Variants in ANKRD55 observed in about 807,000 individuals in gnomAD.
ANKRD55 encodes ankyrin repeat domain 55.
A neutral mutation model predicts 60.6 loss-of-function variants in ANKRD55; 41 were observed. The observed-to-expected ratio is 0.68, with a 90% CI of 0.53 to 0.88. The LOEUF (loss-of-function observed/expected upper bound fraction) is 0.88. Ranked by LOEUF, ANKRD55 falls within the 40% of genes least tolerant of loss-of-function variation. ANKRD55 has a pLI of 0.00. For missense variants in ANKRD55, 732 were observed against 767.6 expected (o/e 0.95, Z 0.55); for synonymous variants, 264 against 290.3 (o/e 0.91, Z 0.92).
chr5:56,227,816 G>A (rs1760157502), intron 2 of ANKRD55, among the ~76,000 whole-genome samples: 1 of 152,190 alleles, frequency 6.6e-6, no homozygotes, highest in African/African-American at 2.4e-5. Context: ...CTGATATGAG[G>A]ATTATATGAG....
At chr5:56,103,571 T>A (rs1756356807) in intron 10 of ANKRD55, among the ~76,000 whole-genome samples, 1 of 152,042 alleles carries the variant, frequency 6.6e-6, no homozygotes, top group African/African-American at 2.4e-5. Context: ...TTATATGACA[T>A]TGGGCAAATG....
At position 56,127,096 on chromosome 5, in the gene ANKRD55, C is replaced by T. The variant is rs61742899; in HGVS notation, c.623G>A (p.Arg208Lys). The change falls in exon 8 of 12, where the codon AGG becomes AAG. Residue 208 changes from arginine (R) to lysine (K), a missense_variant. Physicochemically the swap from Arg to Lys is conservative, Grantham distance 26. This residue lies in a region of ANKRD55 where 597 missense variants were observed against 607.5 expected (regional missense o/e 0.98). Coordinates refer to ENST00000341048, the MANE Select transcript of ANKRD55 (RefSeq NM_024669.3). ...GCTCAGAATGATGGAGCACAGAATC[C>T]TATTTCCACTCTGGAAAAGAGAGTC... is the stretch of plus-strand genomic sequence containing the variant. Reference protein sequence around the residue: ...ALHWAVQSGNRILCSIILSHH... With the variant: ...ALHWAVQSGNKILCSIILSHH... The T allele has an allele frequency of 2.4e-5, 39 of 1,607,418 alleles. No individual in the cohort carries two copies. In the African/African-American group the frequency reaches 5.0e-4, roughly 20 times the overall value.
chr5:56,190,951 T>C (rs187479523), intron 2 of ANKRD55, among the ~76,000 whole-genome samples: 1 of 152,316 alleles, frequency 6.6e-6, no homozygotes, highest in East Asian at 1.9e-4. Context: ...GTGGGAACAT[T>C]CAAGTCATAG....
At chr5:56,146,027 T>C (rs572908728) in intron 6 of ANKRD55, among the ~76,000 whole-genome samples, 339 of 152,288 alleles carry the variant, frequency 2.2e-3, no homozygotes, top group Non-Finnish European at 3.2e-3. Flanking sequence ...AAAATTAAAT[T>C]ATATTTTAAA....
intron 5 of ANKRD55, among the ~76,000 whole-genome samples, chr5:56,166,643 C>T (rs146357440): frequency 1.7e-4 from 26 of 151,372 alleles, no homozygotes; most frequent in Non-Finnish European, 7.4e-5. Context: ...AGAGAAAACA[C>T]GGGCAGGAAA....
intron 2 of ANKRD55, among the ~76,000 whole-genome samples, chr5:56,206,482 C>A (rs1759512164): frequency 6.6e-6 from 1 of 152,182 alleles, no homozygotes; most frequent in Non-Finnish European, 1.5e-5. Flanking sequence ...ATACACTTGA[C>A]TTATGCTGCA....
In ANKRD55 at chr5:56,136,857, G is replaced by A. The variant is rs989148462; in HGVS notation, c.612+6944C>T. The A allele has an allele frequency of 1.6e-4, 56 of 360,024 alleles. 1 individual carries two copies. Among genetic ancestry groups the A allele is most frequent in the South Asian group, 4.9e-4 (22 of 45,162 alleles). 22.3% of individuals were successfully genotyped at this position (360,024 alleles called of 1,614,324 possible). A position where few individuals can be genotyped will look rare whatever the true frequency, so the allele number is the denominator to read the frequency against. ...GATCACTTGAGACCAGGAGGTCCAG[G>A]CTGCAGTGAGCCATGATTATGTCAC... On this transcript the variant is annotated intron_variant, in intron 7 of 11. Transcript: ENST00000341048.
chr5:56,182,233 C>CT (rs1047654653), intron 3 of ANKRD55, among the ~76,000 whole-genome samples: 7 of 145,178 alleles, frequency 4.8e-5, no homozygotes, highest in African/African-American at 1.7e-4. Flanking sequence ...ATATCTTTTT[C>CT]GGGGGGGATT....
chr5:56,153,629 G>T lies in ANKRD55; in HGVS notation c.483+6204C>A, dbSNP rs376851796. 2.9e-3 allele frequency among the ~76,000 whole-genome samples: 435 copies of T among 152,154 alleles called. 6 individuals are homozygous for T. The highest frequency in any genetic ancestry group is 9.7e-3 in the African/African-American group (402 of 41,504). On this transcript the variant is annotated intron_variant, in intron 6 of 11. Transcript: ENST00000341048. ...CCGAGGCAGGTGGATCACGAGGTCA[G>T]GAGTTCGAGACCAGCCTGGCCAACA...
At chr5:56,203,277 G>T (rs1256696583) in intron 2 of ANKRD55, among the ~76,000 whole-genome samples, 6 of 152,070 alleles carry the variant, frequency 3.9e-5, no homozygotes, top group Non-Finnish European at 8.8e-5. Context: ...CATAGGGGTG[G>T]TTCCCCCATG....
intron 2 of ANKRD55, among the ~76,000 whole-genome samples, chr5:56,203,214 C>T (rs1237827053): frequency 1.3e-5 from 2 of 151,998 alleles, no homozygotes; most frequent in Admixed American, 6.6e-5. Flanking sequence ...AATTGTAATC[C>T]GAATTGTAAT....
intron 2 of ANKRD55, among the ~76,000 whole-genome samples, chr5:56,202,900 G>A (rs1759412952): frequency 6.6e-6 from 1 of 152,130 alleles, no homozygotes; most frequent in Admixed American, 6.5e-5. Flanking sequence ...TCTGTTTTAA[G>A]GAGTGTTTCT....
rs144241474 is a variant in ANKRD55, at chr5:56,218,348, A to C, written c.58+14508T>G. The stretch of plus-strand genomic sequence containing the variant: ...TTACATACAGATACATCTTTTATGA[A>C]AGAAGGAGTCAATTGATGCAGCAAA... On this transcript the variant is annotated intron_variant, in intron 2 of 11. Transcript: ENST00000341048. 9.3e-4 allele frequency among the ~76,000 whole-genome samples: 142 copies of C among 152,336 alleles called. 3 individuals are homozygous for C. In the Middle Eastern group the frequency reaches 0.027, roughly 29 times the overall value.
chr5:56,231,653 G>GCGCACACACACA (rs1267820315), intron 2 of ANKRD55, among the ~76,000 whole-genome samples: 2 of 148,088 alleles, frequency 1.4e-5, no homozygotes, highest in African/African-American at 5.0e-5. Flanking sequence ...CTGAAGGCGC[G>GCGCACACACACA]CACACACACA....
intron 7 of ANKRD55, chr5:56,127,601 A>G (rs963872687): frequency 2.4e-5 from 24 of 984,570 alleles, no homozygotes; most frequent in East Asian, 1.1e-4. Context: ...GGGTAGGGCC[A>G]AGGAGCAGGG....
intron 5 of ANKRD55, among the ~76,000 whole-genome samples, chr5:56,168,817 C>T (rs186410678): frequency 4.6e-4 from 70 of 152,318 alleles, no homozygotes; most frequent in African/African-American, 1.6e-3. Context: ...TGGCAGGGAG[C>T]CACCTACCAC....
chr5:56,160,089 G>A (rs1041937443), intron 5 of ANKRD55, among the ~76,000 whole-genome samples, 196 bp from the exon 6 acceptor site: 1 of 152,146 alleles, frequency 6.6e-6, no homozygotes, highest in African/African-American at 2.4e-5. Context: ...ACACCTGTGT[G>A]GAGGGCTACT....
In ANKRD55 at chr5:56,143,856, G is replaced by T. The variant is rs1561268164; in HGVS notation, c.557C>A (p.Ala186Glu). Residue 186 changes from alanine (A) to glutamate (E), a missense_variant, in exon 7 of 12, where the codon GCA becomes GAA. Coordinates refer to ENST00000341048, the MANE Select transcript of ANKRD55 (RefSeq NM_024669.3). ...GTCTTTATCCACAAGGGTGGGGTCT[G>T]CCCCCTTCTTCAGCAGCATTTGTGT... is the stretch of plus-strand genomic sequence containing the variant. ...QHTQMLLKKG[A>E]DPTLVDKDFK... The T allele has an allele frequency of 3.1e-6, 5 of 1,614,156 alleles. No individual in the cohort carries two copies. Among genetic ancestry groups the T allele is most frequent in the Non-Finnish European group, 4.2e-6 (5 of 1,180,028 alleles).
At chr5:56,217,091 C>T (rs1759831634) in intron 2 of ANKRD55, among the ~76,000 whole-genome samples, 1 of 152,208 alleles carries the variant, frequency 6.6e-6, no homozygotes, top group African/African-American at 2.4e-5. Context: ...AGCCAGTGCT[C>T]ATTTACCATT....
Sources: gnomAD v4.1 joint callset for allele counts (sites outside exome capture counted in the v4.1 genomes callset) on GRCh38, gnomAD v4.1.1 for gene constraint, gnomAD v4.1.1 regional missense constraint, MANE v1.5 for transcripts, NCBI Gene and HGNC (gene_info 2026-07-23, HGNC 2026-07-21) for gene names.